The following KIF7 variants were observed in gnomAD, a reference collection of about 807,000 sequenced individuals.
KIF7 encodes the protein kinesin-like protein KIF7.
In KIF7, 104 loss-of-function variants were observed where a neutral mutation model predicts 135.7. The ratio of observed to expected loss-of-function variants is 0.77; its 90% CI spans 0.65 to 0.90. The LOEUF is 0.90. Among genes scored for constraint, KIF7 ranks in the 40% least tolerant of loss-of-function variants. KIF7 has a pLI of 0.00. For synonymous variants in KIF7, 883 were observed against 809.4 expected (o/e 1.09, Z -1.54); for missense variants, 2,005 against 1,839.1 (o/e 1.09, Z -1.65).
At chr15:89,626,161 C>A, downstream of KIF7, 1 of 1,442,712 alleles carries the variant, frequency 6.9e-7, no homozygotes, top group Non-Finnish European at 9.4e-7. Flanking sequence ...CCAGGGAGTG[C>A]CAAGTGTGGG....
At chr15:89,623,800 G>C (rs751912896), downstream of KIF7, 1 of 1,613,746 alleles carries the variant, frequency 6.2e-7, no homozygotes, top group Non-Finnish European at 8.5e-7. Flanking sequence ...CTCCTCACCC[G>C]GCCATGACTC....
At chr15:89,621,710 A>T (rs1408053526) in intron 1 of KIF7, among the ~76,000 whole-genome samples, 1 of 152,086 alleles carries the variant, frequency 6.6e-6, no homozygotes, top group African/African-American at 2.4e-5. Flanking sequence ...ATTATTAGAC[A>T]CGTGGGAACT....
chr15:89,629,660 C>G, intron 16 of KIF7, 87 bp from the exon 17 acceptor site: 1 of 1,552,076 alleles, frequency 6.4e-7, no homozygotes, highest in African/African-American at 1.3e-5. Context: ...TATTGGCACA[C>G]TTGCCACCAC....
rs563552138 is a variant in KIF7, at chr15:89,617,972, G to A, written c.*75+57C>T. On this transcript the variant is annotated intron_variant and NMD_transcript_variant, in intron 2 of 2. Transcript: ENST00000558928. ...CTCCTAAGGTGCTGGGATTACAGGC[G>A]TGAGACACTGTGGCCAGCCTCCCTC... 48 of 693,304 alleles carry A rather than the reference G, an allele frequency of 6.9e-5. No homozygotes were observed. In the East Asian group the frequency reaches 1.1e-3, roughly 16 times the overall value. The allele number at this position is 693,304 out of a possible 1,614,324, so 42.9% of individuals were successfully genotyped here. A position where few individuals can be genotyped will look rare whatever the true frequency, so the allele number is the denominator to read the frequency against.
chr15:89,633,274 A>AT lies in KIF7; in HGVS notation c.2593-9_2593-8insA. 6.4e-7 allele frequency: 1 copy of AT among 1,558,568 alleles called. No individual in the cohort carries two copies. Among genetic ancestry groups the AT allele is most frequent in the Non-Finnish European group, 8.7e-7 (1 of 1,155,212 alleles). ...ATGCTTCAGCTCCAGCTCCTGGGTG[A>AT]GGAGCTCAGTGGGCAGGGCTGTTTA... On this transcript the variant is annotated splice_polypyrimidine_tract_variant and intron_variant, in intron 12 of 18. Coordinates refer to ENST00000394412, the MANE Select transcript of KIF7 (RefSeq NM_198525.3).
chr15:89,626,834 T>G (rs1963536634), downstream of KIF7: 1 of 1,101,550 alleles, frequency 9.1e-7, no homozygotes, highest in Non-Finnish European at 1.3e-6. Context: ...TAAGCGAACC[T>G]CCAAGCAGTG....
chr15:89,648,938 GC>G, intron 4 of KIF7, 35 bp downstream of exon 4: 3 of 1,499,206 alleles, frequency 2.0e-6, no homozygotes. Context: ...CGCCTCCCCG[GC>G]CCCCAGGCCA....
At chr15:89,640,241 A>AAC (rs2048918558) in intron 11 of KIF7, among the ~76,000 whole-genome samples, 1 of 152,126 alleles carries the variant, frequency 6.6e-6, no homozygotes, top group African/African-American at 2.4e-5. Flanking sequence ...ATGTATACAT[A>AAC]TGTAACTAAC....
chr15:89,625,403 C>T (rs373178516), downstream of KIF7: 9 of 1,613,810 alleles, frequency 5.6e-6, no homozygotes, highest in Middle Eastern at 1.6e-4. Flanking sequence ...GGCGCCGGCT[C>T]CTCTTCCGGG....
intron 8 of KIF7, among the ~76,000 whole-genome samples, 173 bp from the exon 9 acceptor site, chr15:89,645,624 G>T (rs1044206238): frequency 6.6e-6 from 1 of 152,154 alleles, no homozygotes; most frequent in East Asian, 1.9e-4. Flanking sequence ...GTTTTAGGAG[G>T]TACAGGGCAG....
At chr15:89,625,268 C>T (rs1963499617), downstream of KIF7, 1 of 1,613,706 alleles carries the variant, frequency 6.2e-7, no homozygotes, top group Non-Finnish European at 8.5e-7. Flanking sequence ...ACCCACGGCC[C>T]TTCTAGTACC....
chr15:89,628,428 G>T lies in KIF7; in HGVS notation c.4023C>A (p.Asn1341Lys), dbSNP rs1314442090. ...GGTCTGCCCCGAGGGCTTACAGGGGGTTTTTCCGGACATCAATCATCCCCG... is the reference window on the plus strand; with the variant it reads ...GGTCTGCCCCGAGGGCTTACAGGGGTTTTTTCCGGACATCAATCATCCCCG... Reference protein sequence around the residue: ...ASPGMIDVRKNPL With the variant: ...ASPGMIDVRKKPL The change falls in exon 19 of 19, where the codon AAC (asparagine) becomes AAA (lysine). Residue 1341 changes from asparagine to lysine, a missense_variant. By Grantham distance (94) the Asn-to-Lys change is moderately conservative. Transcript: ENST00000394412. The T allele has an allele frequency of 3.7e-6, 6 of 1,606,278 alleles. No homozygotes were observed. The African/African-American group carries it at 4.0e-5, about 11-fold the overall frequency.
At chr15:89,655,037 T>C (rs555597877) in intron 1 of KIF7, among the ~76,000 whole-genome samples, 1 of 152,308 alleles carries the variant, frequency 6.6e-6, no homozygotes, top group East Asian at 1.9e-4. Context: ...GCAGGCGCTA[T>C]TCGGAGCCGG....
chr15:89,656,567 A>G (rs1223066776), upstream of KIF7, among the ~76,000 whole-genome samples: 2 of 152,128 alleles, frequency 1.3e-5, no homozygotes, highest in East Asian at 3.9e-4. Flanking sequence ...TACCAGTGTG[A>G]GACAGCGTGG....
At chr15:89,633,546 A>G (rs1963732228) in intron 12 of KIF7, 140 bp downstream of exon 12, 2 of 980,996 alleles carry the variant, frequency 2.0e-6, no homozygotes, top group Middle Eastern at 3.2e-4. Context: ...TTCAGATGAA[A>G]AAACAGACTC....
exon 2 of KIF7, chr15:89,618,139 G>A: frequency 6.2e-7 from 1 of 1,613,900 alleles, no homozygotes; most frequent in Non-Finnish European, 8.5e-7. Flanking sequence ...CCTTGTGCAT[G>A]TGGTTCCTCG....
At chr15:89,625,398 C>T (rs201595810), downstream of KIF7, 25 of 1,613,868 alleles carry the variant, frequency 1.5e-5, no homozygotes, top group African/African-American at 8.0e-5. Flanking sequence ...GCTGTGGCGC[C>T]GGCTCCTCTT....
At chr15:89,632,640 G>T (rs970599498) in intron 14 of KIF7, among the ~76,000 whole-genome samples, 180 bp downstream of exon 14, 1 of 152,160 alleles carries the variant, frequency 6.6e-6, no homozygotes, top group African/African-American at 2.4e-5. Context: ...AAACTCTCCT[G>T]TCTAGACCTC....
In KIF7 at chr15:89,633,802, G is replaced by A. The variant is rs139711238; in HGVS notation, c.2476C>T (p.Arg826Trp). 74 of 1,612,540 alleles carry A rather than the reference G, an allele frequency of 4.6e-5. No homozygotes were observed. In the East Asian group the frequency reaches 5.8e-4, roughly 13 times the overall value. The change falls in exon 12 of 19, where the codon CGG becomes TGG. Residue 826 changes from arginine to tryptophan, a missense_variant. Arg to Trp is a moderately radical substitution (Grantham distance 101). Coordinates refer to ENST00000394412, the MANE Select transcript of KIF7 (RefSeq NM_198525.3). ...TGCTGCCGCATGAGCTGCACGTTCCGCTCGAGCTCCTGCAGTCGCTTCTCA... is the reference window on the plus strand; with the variant it reads ...TGCTGCCGCATGAGCTGCACGTTCCACTCGAGCTCCTGCAGTCGCTTCTCA... ...QSEKRLQELE[R>W]NVQLMRQQQG...
Sources: gnomAD v4.1 joint callset for allele counts (sites outside exome capture counted in the v4.1 genomes callset) on GRCh38, gnomAD v4.1.1 for gene constraint, MANE v1.5 for transcripts, NCBI Gene and HGNC (gene_info 2026-07-23, HGNC 2026-07-21) for gene names.